Variants in GPHN observed in about 807,000 individuals in gnomAD.
The protein encoded by GPHN is gephyrin.
A neutral mutation model predicts 95.5 loss-of-function variants in GPHN; 17 were observed. The observed-to-expected ratio is 0.18, with a 90% CI of 0.12 to 0.27. The LOEUF (loss-of-function observed/expected upper bound fraction) is 0.27, where lower values mean the gene tolerates loss of function less well. GPHN is among the 10% of genes least tolerant of loss of function. GPHN has a pLI of 1.00. For missense variants in GPHN, 660 were observed against 978.1 expected (o/e 0.67, Z 4.34); for synonymous variants, 320 against 322.5 (o/e 0.99, Z 0.08).
chr14:67,537,681 A>G, the GPHN span, among the ~76,000 whole-genome samples: 1 of 152,280 alleles, frequency 6.6e-6, no homozygotes, highest in Non-Finnish European at 1.5e-5. Context: ...AAAAGAAAAA[A>G]AAGTAATCTT....
At chr14:66,550,009 A>G (rs2059755848) in intron 1 of GPHN, among the ~76,000 whole-genome samples, 1 of 152,224 alleles carries the variant, frequency 6.6e-6, no homozygotes, top group African/African-American at 2.4e-5. Context: ...TAGTCACCCA[A>G]GAGCTCAGAT....
intron 12 of GPHN, 41 bp downstream of exon 12, chr14:67,089,116 T>A (rs995407833): frequency 1.4e-6 from 1 of 701,120 alleles, no homozygotes; most frequent in Non-Finnish European, 2.3e-6. Context: ...AGGCACTGTA[T>A]TTTTTTTTCT....
chr14:66,924,525 G>GA (rs2153562388), intron 8 of GPHN, among the ~76,000 whole-genome samples: 1 of 152,268 alleles, frequency 6.6e-6, no homozygotes, highest in Admixed American at 6.5e-5. Flanking sequence ...TTGTGACAAT[G>GA]AACTTTTATC....
At chr14:67,592,698 G>A in the GPHN span, 11 of 1,604,914 alleles carry the variant, frequency 6.9e-6, no homozygotes, top group South Asian at 1.1e-4. Context: ...ATAAGATGCA[G>A]AGGTAGTAAA....
chr14:67,379,764 C>T, the GPHN span, among the ~76,000 whole-genome samples: 1 of 142,942 alleles, frequency 7.0e-6, no homozygotes, highest in Admixed American at 7.1e-5. Flanking sequence ...ACACCATTCT[C>T]CTGCCTCAGC....
intron 5 of GPHN, among the ~76,000 whole-genome samples, chr14:66,911,076 A>T (rs1182158234): frequency 6.6e-6 from 1 of 152,064 alleles, no homozygotes; most frequent in African/African-American, 2.4e-5. Context: ...AGATAAACAT[A>T]TGTGGAAAAG....
chr14:66,841,625 T>C (rs1407870985), intron 4 of GPHN, among the ~76,000 whole-genome samples: 1 of 152,172 alleles, frequency 6.6e-6, no homozygotes, highest in Non-Finnish European at 1.5e-5. Flanking sequence ...TTCCATTTAC[T>C]GAAATGGAGA....
chr14:67,305,286 A>G, the GPHN span, among the ~76,000 whole-genome samples: 3 of 146,990 alleles, frequency 2.0e-5, no homozygotes, highest in African/African-American at 7.5e-5. Flanking sequence ...AAGTTAAGAC[A>G]TTTTTTTTTT....
the GPHN span, among the ~76,000 whole-genome samples, chr14:67,568,094 C>A: frequency 2.0e-5 from 3 of 152,126 alleles, no homozygotes; most frequent in Non-Finnish European, 2.9e-5. Flanking sequence ...TGAAGCCTAG[C>A]CATGATATGA....
intron 10 of GPHN, among the ~76,000 whole-genome samples, chr14:67,040,778 ATC>A (rs2074660546): frequency 6.6e-6 from 1 of 152,156 alleles, no homozygotes; most frequent in Admixed American, 6.6e-5. Flanking sequence ...GGTCAGGAAT[ATC>A]TCAAATGTGA....
At chr14:66,779,528 C>T (rs2059529758) in intron 3 of GPHN, among the ~76,000 whole-genome samples, 1 of 152,058 alleles carries the variant, frequency 6.6e-6, no homozygotes, top group African/African-American at 2.4e-5. Context: ...ATTATAAAGG[C>T]ACCCTGTCTG....
intron 1 of GPHN, among the ~76,000 whole-genome samples, chr14:66,609,481 T>C (rs1301206668): frequency 1.3e-5 from 2 of 152,314 alleles, no homozygotes; most frequent in Admixed American, 1.3e-4. Flanking sequence ...AATTTGCATG[T>C]TGATATCTCT....
chr14:66,928,200 A>G (rs762094779), intron 8 of GPHN, among the ~76,000 whole-genome samples: 1 of 152,090 alleles, frequency 6.6e-6, no homozygotes, highest in Non-Finnish European at 1.5e-5. Context: ...TATGGCTTCA[A>G]TCTCATTACT....
At chr14:67,284,641 T>C in the GPHN span, among the ~76,000 whole-genome samples, 1 of 141,602 alleles carries the variant, frequency 7.1e-6, no homozygotes, top group Admixed American at 7.3e-5. Context: ...CCATTAATGG[T>C]CACTCCCTAT....
intron 5 of GPHN, among the ~76,000 whole-genome samples, chr14:66,882,506 T>C (rs1208028952): frequency 1.3e-5 from 2 of 151,834 alleles, no homozygotes; most frequent in Admixed American, 1.3e-4. Context: ...TTGGGAGATA[T>C]TATGAAGTAA....
At chr14:66,787,866 A>G (rs2059832942) in intron 3 of GPHN, among the ~76,000 whole-genome samples, 1 of 151,674 alleles carries the variant, frequency 6.6e-6, no homozygotes, top group Non-Finnish European at 1.5e-5. Context: ...TATTATATAT[A>G]TATACTGTAA....
chr14:67,194,189 C>T, the GPHN span, among the ~76,000 whole-genome samples: 3 of 151,590 alleles, frequency 2.0e-5, no homozygotes, highest in Admixed American at 2.0e-4. Flanking sequence ...ATGGTGAAAT[C>T]CCGTCTCTAC....
chr14:67,458,405 A>C, the GPHN span, among the ~76,000 whole-genome samples: 1 of 152,166 alleles, frequency 6.6e-6, no homozygotes, highest in Non-Finnish European at 1.5e-5. Context: ...CCAGACCCGC[A>C]GCGTGCCGGG....
the GPHN span, among the ~76,000 whole-genome samples, chr14:67,528,837 C>G: frequency 1.3e-5 from 2 of 152,218 alleles, no homozygotes; most frequent in African/African-American, 4.8e-5. Flanking sequence ...AGACCCCAGA[C>G]AGGTGCGTGA....
Sources: gnomAD v4.1 joint callset for allele counts (sites outside exome capture counted in the v4.1 genomes callset) on GRCh38, gnomAD v4.1.1 for gene constraint, MANE v1.5 for transcripts, NCBI Gene and HGNC (gene_info 2026-07-23, HGNC 2026-07-21) for gene names.